The following PLCL1 variants were observed in gnomAD, a reference collection of about 807,000 sequenced individuals.
PLCL1 encodes inactive phospholipase C-like protein 1.
A neutral mutation model predicts 84.4 loss-of-function variants in PLCL1; 41 were observed. The ratio of observed to expected loss-of-function variants is 0.49; its 90% CI spans 0.38 to 0.63. PLCL1 has a LOEUF of 0.63. PLCL1 is among the 30% of genes least tolerant of loss of function. The probability of loss-of-function intolerance (pLI) is 0.00; values close to 1 mark genes in which losing one functional copy is unlikely to be tolerated. For missense variants in PLCL1, 1,206 were observed against 1,367.8 expected, an observed-to-expected ratio of 0.88 and a Z score of 1.87; for synonymous variants, 490 against 488.3, an observed-to-expected ratio of 1.00 and a Z score of -0.05.
At chr2:197,808,970 C>T (rs1690533054) in intron 1 of PLCL1, among the ~76,000 whole-genome samples, 1 of 152,102 alleles carries the variant, frequency 6.6e-6, no homozygotes, top group Admixed American at 6.6e-5. Flanking sequence ...GGTGTTGAGA[C>T]CAGCACTGGA....
intron 1 of PLCL1, among the ~76,000 whole-genome samples, chr2:197,817,588 C>A (rs776046770): frequency 1.8e-4 from 28 of 152,064 alleles, no homozygotes; most frequent in Non-Finnish European, 3.5e-4. Flanking sequence ...TTTAGGTAAC[C>A]TTTTGATCCC....
intron 1 of PLCL1, among the ~76,000 whole-genome samples, chr2:197,945,803 T>G (rs143813453): frequency 2.6e-5 from 4 of 152,332 alleles, no homozygotes; most frequent in African/African-American, 9.6e-5. Flanking sequence ...TATTATTGTT[T>G]CTGTTGTTAT....
intron 1 of PLCL1, among the ~76,000 whole-genome samples, chr2:197,917,133 C>A (rs896546586): frequency 7.9e-5 from 12 of 152,168 alleles, no homozygotes; most frequent in Non-Finnish European, 1.3e-4. Flanking sequence ...TCTTATCACA[C>A]CAGAAATTGT....
At chr2:197,843,775 G>A (rs576493519) in intron 1 of PLCL1, among the ~76,000 whole-genome samples, 1 of 152,146 alleles carries the variant, frequency 6.6e-6, no homozygotes, top group Non-Finnish European at 1.5e-5. Flanking sequence ...AATTTTAGTA[G>A]GTCTGGTGAA....
chr2:198,077,380 C>T (rs1488754625), intron 1 of PLCL1, among the ~76,000 whole-genome samples: 2 of 152,096 alleles, frequency 1.3e-5, no homozygotes, highest in African/African-American at 4.8e-5. Context: ...ATAAGACATT[C>T]TCTTGCCCAA....
At chr2:197,864,316 G>T (rs1687487241) in intron 1 of PLCL1, among the ~76,000 whole-genome samples, 1 of 150,872 alleles carries the variant, frequency 6.6e-6, no homozygotes, top group Admixed American at 6.6e-5. Context: ...GAGGGCCAGA[G>T]AATGAAGGAA....
intron 1 of PLCL1, among the ~76,000 whole-genome samples, chr2:198,003,180 A>T (rs1472469290): frequency 6.6e-6 from 1 of 152,148 alleles, no homozygotes; most frequent in East Asian, 1.9e-4. Context: ...TAATAATGTG[A>T]GTTTTTAAAT....
intron 3 of PLCL1, among the ~76,000 whole-genome samples, chr2:198,091,685 A>AAAAATAAAATAAAAT (rs567680554): frequency 4.5e-4 from 53 of 118,204 alleles, no homozygotes; most frequent in Middle Eastern, 8.1e-3. Flanking sequence ...ATCTCAAATA[A>AAAAATAAAATAAAAT]AAAATAAAAT....
chr2:198,030,028 A>G (rs888096198), intron 1 of PLCL1, among the ~76,000 whole-genome samples: 3 of 151,948 alleles, frequency 2.0e-5, no homozygotes, highest in Non-Finnish European at 2.9e-5. Flanking sequence ...TTTTAAGTTC[A>G]GTCAGGGGTA....
intron 1 of PLCL1, among the ~76,000 whole-genome samples, chr2:197,869,802 C>T (rs1687615606): frequency 6.6e-6 from 1 of 152,158 alleles, no homozygotes; most frequent in Non-Finnish European, 1.5e-5. Flanking sequence ...CATGTAAAAA[C>T]AGCAGCAACA....
intron 1 of PLCL1, among the ~76,000 whole-genome samples, chr2:197,865,783 T>G (rs984500420): frequency 5.3e-5 from 8 of 151,324 alleles, no homozygotes; most frequent in Non-Finnish European, 5.9e-5. Flanking sequence ...GAGGCCAAGG[T>G]AGGTAGATCA....
At chr2:197,857,775 T>G (rs1042431584) in intron 1 of PLCL1, among the ~76,000 whole-genome samples, 1 of 151,906 alleles carries the variant, frequency 6.6e-6, no homozygotes, top group African/African-American at 2.4e-5. Flanking sequence ...TTGATACAAA[T>G]AGAATGAATG....
chr2:197,861,623 A>C (rs1407116403), intron 1 of PLCL1, among the ~76,000 whole-genome samples: 1 of 152,126 alleles, frequency 6.6e-6, no homozygotes, highest in Non-Finnish European at 1.5e-5. Context: ...GTGGAGGATA[A>C]GGAGGGGAAG....
intron 1 of PLCL1, among the ~76,000 whole-genome samples, chr2:197,889,445 C>T (rs189594239): frequency 6.6e-6 from 1 of 151,912 alleles, no homozygotes; most frequent in Non-Finnish European, 1.5e-5. Flanking sequence ...CAAAAAAAAA[C>T]AGGCTTTAAA....
At chr2:197,875,655 C>T (rs1687719949) in intron 1 of PLCL1, among the ~76,000 whole-genome samples, 1 of 151,888 alleles carries the variant, frequency 6.6e-6, no homozygotes, top group Admixed American at 6.6e-5. Flanking sequence ...GACATAACAC[C>T]CAATCTTCCT....
chr2:197,923,847 T>C (rs7423972), intron 1 of PLCL1, among the ~76,000 whole-genome samples: 74,806 of 147,216 alleles, frequency 0.51, 19,316 homozygotes, highest in East Asian at 0.77. Context: ...GATCACGCCA[T>C]TGCACTCCAG....
rs1688448388 is a variant in PLCL1 at position 197,909,720 on chromosome 2, A to G, written c.240+104381A>G. Among the ~76,000 whole-genome samples the G allele has an allele frequency of 2.6e-5, 4 of 152,172 alleles. No homozygotes were observed. In the South Asian group the frequency reaches 8.3e-4, roughly 32 times the overall value. ...GGAATTCTGGAGAGTGGAGTTCTCTAGGGAAAAGTTGTGCTGGTAGCAGTC... is the reference window on the plus strand; with the variant it reads ...GGAATTCTGGAGAGTGGAGTTCTCTGGGGAAAAGTTGTGCTGGTAGCAGTC... On this transcript the variant is annotated intron_variant, in intron 1 of 5. Transcript: ENST00000428675.
intron 1 of PLCL1, among the ~76,000 whole-genome samples, chr2:198,059,927 T>A (rs1692152964): frequency 6.6e-6 from 1 of 152,044 alleles, no homozygotes; most frequent in South Asian, 2.1e-4. Context: ...TTTAAACTGA[T>A]CTCTAAAGGT....
intron 1 of PLCL1, among the ~76,000 whole-genome samples, chr2:197,849,547 G>A (rs1687186082): frequency 6.6e-6 from 1 of 152,082 alleles, no homozygotes; most frequent in African/African-American, 2.4e-5. Flanking sequence ...ATAGAATAAT[G>A]GAAATTAAAA....
Sources: allele counts gnomAD v4.1 joint callset (sites outside exome capture counted in the v4.1 genomes callset), GRCh38; gene constraint gnomAD v4.1.1; transcripts MANE v1.5; gene names NCBI Gene and HGNC (gene_info 2026-07-23, HGNC 2026-07-21).